The following HSPBAP1 variants were observed in gnomAD, a reference collection of about 807,000 sequenced individuals.
The protein encoded by HSPBAP1 is HSPB1 associated protein 1, also known as HSPB1-associated protein 1.
A neutral mutation model predicts 45.2 loss-of-function variants in HSPBAP1; 27 were observed. The ratio of observed to expected loss-of-function variants is 0.60; its 90% confidence interval spans 0.44 to 0.82. The LOEUF is 0.82. Among genes scored for constraint, HSPBAP1 ranks in the 40% least tolerant of loss-of-function variants. The probability of loss-of-function intolerance (pLI) is 0.00; values close to 1 mark genes in which losing one functional copy is unlikely to be tolerated. For synonymous variants in HSPBAP1, 204 were observed against 202.7 expected (o/e 1.01, Z -0.06); for missense variants, 510 against 590.9 (o/e 0.86, Z 1.42).
chr3:122,752,613 C>T lies in HSPBAP1; in HGVS notation c.803G>A (p.Ser268Asn), dbSNP rs1201211094. The change falls in exon 6 of 8, where the codon AGT becomes AAT. Residue 268 changes from serine (S) to asparagine (N), a missense_variant. Transcript: ENST00000306103. Reference protein sequence around the residue: ...YVESIDPVTVSINSWIELEED... With the variant: ...YVESIDPVTVNINSWIELEED... ...TACCAGTTCAATCCATGAGTTTATACTGACAGTGACAGGATCAATGGATTC... is the reference window on the plus strand; with the variant it reads ...TACCAGTTCAATCCATGAGTTTATATTGACAGTGACAGGATCAATGGATTC... The T allele has an allele frequency of 6.3e-7, 1 of 1,581,478 alleles. No individual in the cohort carries two copies. The highest frequency in any genetic ancestry group is 2.3e-5 in the East Asian group (1 of 44,024).
At chr3:122,742,467 A>G (rs188881027) in intron 6 of HSPBAP1, among the ~76,000 whole-genome samples, 85 of 152,316 alleles carry the variant, frequency 5.6e-4, no homozygotes, top group African/African-American at 1.9e-3. Context: ...TGCTGGTGGG[A>G]ATGTAAAATG....
At chr3:122,740,938 G>A in intron 7 of HSPBAP1, 63 bp from the exon 8 acceptor site, 1 of 1,605,394 alleles carries the variant, frequency 6.2e-7, no homozygotes, top group Non-Finnish European at 8.5e-7. Context: ...GAAAACATAT[G>A]TTCTAGTCAG....
chr3:122,764,022 T>C (rs1317454014), intron 3 of HSPBAP1, among the ~76,000 whole-genome samples: 1 of 152,236 alleles, frequency 6.6e-6, no homozygotes, highest in Non-Finnish European at 1.5e-5. Context: ...GCCTTGGCTA[T>C]GAAGCCTTCT....
intron 3 of HSPBAP1, among the ~76,000 whole-genome samples, chr3:122,766,915 G>T (rs1212133807): frequency 2.0e-5 from 3 of 152,156 alleles, no homozygotes; most frequent in Non-Finnish European, 4.4e-5. Flanking sequence ...CAAAAAGTAA[G>T]TACATGATCA....
At chr3:122,776,471 C>T (rs994144675) in intron 2 of HSPBAP1, among the ~76,000 whole-genome samples, 7 of 152,008 alleles carry the variant, frequency 4.6e-5, no homozygotes, top group African/African-American at 9.7e-5. Flanking sequence ...AAGCTAATAC[C>T]GTATGTGCAA....
intron 3 of HSPBAP1, among the ~76,000 whole-genome samples, chr3:122,765,356 G>C (rs966816124): frequency 6.6e-6 from 1 of 152,078 alleles, no homozygotes; most frequent in Non-Finnish European, 1.5e-5. Flanking sequence ...TGAGGCAGGC[G>C]GATCACTTGA....
In HSPBAP1 at chr3:122,755,316, GCT is replaced by G; in HGVS notation, c.683_684del (p.Lys228ThrfsTer35). 1 of 1,603,884 alleles carries G rather than the reference GCT, an allele frequency of 6.2e-7. No individual in the cohort carries two copies. The highest frequency in any genetic ancestry group is 8.5e-7 in the Non-Finnish European group (1 of 1,175,748). The stretch of plus-strand genomic sequence containing the variant: ...TGAGCTTTCCGGAACTGAGGAAAAC[GCT>G]TTAAATCAGGATTGACAACATTGAT... ...SKINVVNPDL[K>X]RFPQFRKAQR... On this transcript the variant is annotated frameshift_variant, in exon 5 of 8. Transcript: ENST00000306103. LOFTEE classifies it high-confidence loss of function.
intron 1 of HSPBAP1, 152 bp from the exon 2 acceptor site, chr3:122,778,058 CAT>C (rs150840525): frequency 0.036 from 22,486 of 618,248 alleles, 528 homozygotes; most frequent in Middle Eastern, 0.049. Context: ...TTTATATACA[CAT>C]GTGGCCTCAA....
At chr3:122,766,205 G>A (rs1934775908) in intron 3 of HSPBAP1, among the ~76,000 whole-genome samples, 1 of 152,068 alleles carries the variant, frequency 6.6e-6, no homozygotes, top group Admixed American at 6.5e-5. Flanking sequence ...AACGTATAGT[G>A]GGTTGTGTCA....
rs534466843 is a variant in HSPBAP1 at position 122,781,422 on chromosome 3, G to C, written c.65-3516C>G. ...ATACGAAAACCAGTCAGGCGTGGCG[G>C]CGCGTGCCTGCAATCGCAGGCACTC... On this transcript the variant is annotated intron_variant, in intron 1 of 7. Transcript: ENST00000306103. Among the ~76,000 whole-genome samples the C allele has an allele frequency of 8.0e-3, 1,215 of 151,812 alleles. 8 individuals are homozygous for C. The highest frequency in any genetic ancestry group is 0.012 in the Non-Finnish European group (819 of 67,682).
intron 6 of HSPBAP1, among the ~76,000 whole-genome samples, chr3:122,750,121 C>T (rs972133317): frequency 3.3e-5 from 5 of 151,128 alleles, no homozygotes; most frequent in Middle Eastern, 3.2e-3. Flanking sequence ...ATTACAGGTG[C>T]GTGCCACTAT....
chr3:122,778,049 T>C, intron 1 of HSPBAP1, 143 bp from the exon 2 acceptor site: 1 of 631,132 alleles, frequency 1.6e-6, no homozygotes, highest in Non-Finnish European at 2.7e-6. Flanking sequence ...TTACTGCTGT[T>C]TATATACACA....
rs374233739 is a variant in HSPBAP1 at position 122,755,437 on chromosome 3, T to TGAAA, written c.570-7_570-6insTTTC. ...GAAAGAGATGCCATCGTTTCCTAAT[T>TGAAA]AAAAAAAAAAAAAAAAGATACAAGT... On this transcript the variant is annotated splice_region_variant and splice_polypyrimidine_tract_variant and intron_variant, in intron 4 of 7. Coordinates refer to ENST00000306103, the MANE Select transcript of HSPBAP1 (RefSeq NM_024610.6). 9.7e-7 allele frequency: 1 copy of TGAAA among 1,029,304 alleles called. No homozygotes were observed. The highest frequency in any genetic ancestry group is 1.8e-5 in the African/African-American group (1 of 55,078). The allele number at this position is 1,029,304 out of a possible 1,614,324, so 63.8% of individuals were successfully genotyped here.
chr3:122,768,886 C>A lies in HSPBAP1; in HGVS notation c.251-4G>T. 6.3e-7 allele frequency: 1 copy of A among 1,586,746 alleles called. No individual in the cohort carries two copies. Among genetic ancestry groups the A allele is most frequent in the Non-Finnish European group, 8.6e-7 (1 of 1,157,352 alleles). On this transcript the variant is annotated splice_polypyrimidine_tract_variant and splice_region_variant and intron_variant, in intron 2 of 7. Transcript: ENST00000306103. ...CATGTAGTTTCAAACTGAGGAACTG[C>A]AATGTAAGAGAATGCAACCTTAAAT...
chr3:122,782,315 CAA>C, intron 1 of HSPBAP1, among the ~76,000 whole-genome samples: 1 of 152,106 alleles, frequency 6.6e-6, no homozygotes, highest in East Asian at 1.9e-4. Flanking sequence ...AGATGGCAAT[CAA>C]TATTAATCCT....
At chr3:122,772,399 G>C (rs1935033313) in intron 2 of HSPBAP1, among the ~76,000 whole-genome samples, 1 of 152,088 alleles carries the variant, frequency 6.6e-6, no homozygotes, top group African/African-American at 2.4e-5. Context: ...ATACATACCA[G>C]AACTAAAATC....
chr3:122,775,838 T>C (rs1165333608), intron 2 of HSPBAP1, among the ~76,000 whole-genome samples: 1 of 152,232 alleles, frequency 6.6e-6, no homozygotes, highest in Admixed American at 6.5e-5. Context: ...AGTAGCATTA[T>C]CTGTAATAGC....
intron 6 of HSPBAP1, among the ~76,000 whole-genome samples, chr3:122,747,222 G>A (rs993597577): frequency 9.9e-5 from 15 of 151,118 alleles, no homozygotes; most frequent in African/African-American, 3.2e-4. Flanking sequence ...GCCTCTTCCC[G>A]GCTGCCATCC....
intron 1 of HSPBAP1, among the ~76,000 whole-genome samples, chr3:122,779,469 GT>G (rs1935325805): frequency 7.1e-6 from 1 of 140,752 alleles, no homozygotes. Context: ...TTCTCTGCCC[GT>G]TAAACTCTTG....
Sources: allele counts gnomAD v4.1 joint callset (sites outside exome capture counted in the v4.1 genomes callset), GRCh38; gene constraint gnomAD v4.1.1; transcripts MANE v1.5; gene names NCBI Gene and HGNC (gene_info 2026-07-23, HGNC 2026-07-21).